Variants in KAZN observed in about 807,000 individuals in gnomAD.
KAZN encodes kazrin, periplakin interacting protein, also known as kazrin.
Under a neutral mutation model 87.4 loss-of-function variants are expected in KAZN, and 40 were observed. That is an observed-to-expected ratio of 0.46 (90% confidence interval 0.36 to 0.60). The LOEUF (loss-of-function observed/expected upper bound fraction) is 0.60, where lower values mean the gene tolerates loss of function less well. KAZN is among the 20% of genes least tolerant of loss of function. The pLI is 0.00. For synonymous variants in KAZN, 466 were observed against 458.3 expected (o/e 1.02, Z -0.22); for missense variants, 898 against 1,073.9 (o/e 0.84, Z 2.29).
intron 1 of KAZN, among the ~76,000 whole-genome samples, chr1:14,632,986 G>A (rs569351771): frequency 6.6e-5 from 10 of 151,952 alleles, no homozygotes; most frequent in African/African-American, 1.9e-4. Context: ...GCGCCATCTC[G>A]GCTCACTGCA....
At chr1:14,732,598 C>G (rs1304185498) in intron 1 of KAZN, among the ~76,000 whole-genome samples, 3 of 152,152 alleles carry the variant, frequency 2.0e-5, no homozygotes, top group Non-Finnish European at 4.4e-5. Context: ...AAGATTGCAC[C>G]ACTACACTCC....
intron 2 of KAZN, among the ~76,000 whole-genome samples, chr1:14,262,178 C>G (rs1473891425): frequency 6.6e-6 from 1 of 152,118 alleles, no homozygotes; most frequent in East Asian, 1.9e-4. Flanking sequence ...CTTTGGGAAG[C>G]TGAGACAGGA....
chr1:14,950,341 G>A lies in KAZN; in HGVS notation c.227-10343G>A, dbSNP rs139472289. ...GACTGAGGGAGGGATGGGAGGGTCC[G>A]TTTGGCAAATGGGGACAGAGGTGGT... is the stretch of plus-strand genomic sequence containing the variant. On this transcript the variant is annotated intron_variant, in intron 1 of 14. Transcript: ENST00000376030. Among the ~76,000 whole-genome samples the A allele has an allele frequency of 8.5e-4, 129 of 152,148 alleles. 1 individual carries two copies. The East Asian group carries it at 0.016, about 18-fold the overall frequency.
At chr1:14,240,098 A>C (rs573914668) in intron 2 of KAZN, among the ~76,000 whole-genome samples, 1 of 152,350 alleles carries the variant, frequency 6.6e-6, no homozygotes, top group South Asian at 2.1e-4. Context: ...GATGAAATTT[A>C]GTCTTGTAGA....
intron 1 of KAZN, among the ~76,000 whole-genome samples, chr1:14,101,510 G>C (rs1644248138): frequency 6.6e-6 from 1 of 152,186 alleles, no homozygotes; most frequent in African/African-American, 2.4e-5. Context: ...GCTGGGGATG[G>C]GAGTAGGGAT....
At chr1:13,976,506 G>A (rs1398410208) in intron 1 of KAZN, among the ~76,000 whole-genome samples, 1 of 151,668 alleles carries the variant, frequency 6.6e-6, no homozygotes, top group Non-Finnish European at 1.5e-5. Flanking sequence ...AAAATATCTA[G>A]GATGCTGAGG....
chr1:14,778,393 G>C (rs202096856), intron 1 of KAZN, among the ~76,000 whole-genome samples: 3 of 136,410 alleles, frequency 2.2e-5, no homozygotes, highest in Non-Finnish European at 3.2e-5. Flanking sequence ...TAACCCTTAA[G>C]AAAAAAAAAA....
intron 2 of KAZN, among the ~76,000 whole-genome samples, chr1:14,227,461 G>T (rs1177296873): frequency 6.6e-6 from 1 of 152,168 alleles, no homozygotes; most frequent in Non-Finnish European, 1.5e-5. Context: ...TTGGCTGGAG[G>T]GTTGCAGACA....
chr1:14,986,369 C>A (rs1238243747), intron 2 of KAZN, among the ~76,000 whole-genome samples: 1 of 152,170 alleles, frequency 6.6e-6, no homozygotes, highest in Non-Finnish European at 1.5e-5. Flanking sequence ...CCGTTATGTG[C>A]CTTGCACTGG....
At chr1:13,937,954 A>ATGTCTTCTTC (rs1640799372) in intron 1 of KAZN, among the ~76,000 whole-genome samples, 1 of 152,174 alleles carries the variant, frequency 6.6e-6, no homozygotes, top group Non-Finnish European at 1.5e-5. Flanking sequence ...TTGAAGTTAG[A>ATGTCTTCTTC]TAATGTGATG....
intron 2 of KAZN, among the ~76,000 whole-genome samples, chr1:14,298,347 C>A (rs550456345): frequency 1.3e-5 from 2 of 152,320 alleles, no homozygotes; most frequent in East Asian, 3.9e-4. Flanking sequence ...GAAATCACCC[C>A]TGTGTTCCTC....
At chr1:14,315,416 AC>A (rs1399320563) in intron 2 of KAZN, among the ~76,000 whole-genome samples, 1 of 152,138 alleles carries the variant, frequency 6.6e-6, no homozygotes, top group Admixed American at 6.6e-5. Flanking sequence ...CTAATATTTA[AC>A]AAAGCATATA....
chr1:15,028,120 G>C (rs1411631247), intron 2 of KAZN, among the ~76,000 whole-genome samples: 1 of 152,160 alleles, frequency 6.6e-6, no homozygotes, highest in African/African-American at 2.4e-5. Flanking sequence ...GCCACAGCTG[G>C]GCCCCTGGTT....
intron 2 of KAZN, among the ~76,000 whole-genome samples, chr1:14,396,277 A>G (rs1461547734): frequency 2.0e-5 from 3 of 152,232 alleles, no homozygotes; most frequent in Non-Finnish European, 2.9e-5. Flanking sequence ...CAAACAAAAG[A>G]TATCTGTATG....
intron 2 of KAZN, among the ~76,000 whole-genome samples, chr1:14,192,705 T>C (rs1646445671): frequency 6.6e-6 from 1 of 152,198 alleles, no homozygotes; most frequent in South Asian, 2.1e-4. Flanking sequence ...GAAATACCTC[T>C]ACAAAACACA....
upstream of KAZN, chr1:14,598,682 G>C (rs1310383407): frequency 7.8e-7 from 1 of 1,283,600 alleles, no homozygotes; most frequent in Admixed American, 4.4e-5. This position sits in a 1 kb window ranked among gnomAD's most constrained non-coding sequence, Gnocchi z 4.2. Context: ...GGCGCGCGGT[G>C]TCCTTCTTGG....
intron 2 of KAZN, among the ~76,000 whole-genome samples, chr1:14,307,635 C>T (rs1165932985): frequency 2.6e-5 from 4 of 152,192 alleles, no homozygotes; most frequent in African/African-American, 9.6e-5. Flanking sequence ...CTTTGTGGGA[C>T]ACTTCTGTTT....
chr1:14,846,447 A>G (rs1024169883), intron 1 of KAZN, among the ~76,000 whole-genome samples: 1 of 152,286 alleles, frequency 6.6e-6, no homozygotes, highest in Admixed American at 6.5e-5. Context: ...ACACAGAGGC[A>G]GAACCAGCAC....
At chr1:14,644,510 T>C (rs1465679566) in intron 1 of KAZN, among the ~76,000 whole-genome samples, 1 of 151,664 alleles carries the variant, frequency 6.6e-6, no homozygotes, top group South Asian at 2.1e-4. Flanking sequence ...TACAGGCGCC[T>C]GCCACCACAC....
Sources: gnomAD v4.1 joint callset for allele counts (sites outside exome capture counted in the v4.1 genomes callset) on GRCh38, gnomAD v4.1.1 for gene constraint, Gnocchi (gnomAD v3.1) non-coding constraint, MANE v1.5 for transcripts, NCBI Gene and HGNC (gene_info 2026-07-23, HGNC 2026-07-21) for gene names.